Variants in SLC37A3 observed in about 807,000 individuals in gnomAD.
The protein encoded by SLC37A3 is solute carrier family 37 member 3, also known as sugar phosphate exchanger 3.
A neutral mutation model predicts 67.1 loss-of-function variants in SLC37A3; 51 were observed. That is an observed-to-expected ratio of 0.76 (90% CI 0.61 to 0.96). The LOEUF (loss-of-function observed/expected upper bound fraction) is 0.96. Ranked by LOEUF, SLC37A3 falls within the 40% of genes least tolerant of loss-of-function variation. The pLI is 0.00. For synonymous variants in SLC37A3, 214 were observed against 231.4 expected (o/e 0.92, Z 0.68); for missense variants, 508 against 603.0 (o/e 0.84, Z 1.65).
In SLC37A3 at chr7:140,345,093, A is replaced by C. The variant is rs980199548; in HGVS notation, c.1174+123T>G. 5 of 828,118 alleles carry C rather than the reference A, an allele frequency of 6.0e-6. No individual in the cohort carries two copies. In the African/African-American group the frequency reaches 8.7e-5, roughly 14 times the overall value. The allele number at this position is 828,118 out of a possible 1,614,324, so 51.3% of individuals were successfully genotyped here. ...TGGAAAAGGAGGCGTTTTTCCTTTT[A>C]AAATTTGAATTCTCTGTAATTAAGG... On this transcript the variant is annotated intron_variant, in intron 12 of 14. Coordinates refer to ENST00000326232, the MANE Select transcript of SLC37A3 (RefSeq NM_207113.3).
intron 4 of SLC37A3, among the ~76,000 whole-genome samples, chr7:140,365,541 T>C (rs1797564117): frequency 2.0e-5 from 3 of 152,108 alleles, no homozygotes; most frequent in African/African-American, 2.4e-5. Flanking sequence ...ACCAACATGG[T>C]GAAACCCTGT....
chr7:140,339,127 T>C (rs1796255623), intron 13 of SLC37A3, among the ~76,000 whole-genome samples: 1 of 152,170 alleles, frequency 6.6e-6, no homozygotes, highest in South Asian at 2.1e-4. Flanking sequence ...AATGGCTCAT[T>C]AGTATTCCCT....
At chr7:140,369,305 C>T (rs1478336249) in intron 4 of SLC37A3, among the ~76,000 whole-genome samples, 2 of 152,180 alleles carry the variant, frequency 1.3e-5, no homozygotes, top group East Asian at 3.8e-4. Context: ...TTATTTGTAG[C>T]ATTTGGTTAC....
intron 2 of SLC37A3, among the ~76,000 whole-genome samples, chr7:140,381,557 G>A (rs776869017): frequency 2.6e-5 from 4 of 151,526 alleles, no homozygotes; most frequent in Middle Eastern, 6.8e-3. Flanking sequence ...TATTTCTGGC[G>A]CCTTTCATAA....
intron 1 of SLC37A3, among the ~76,000 whole-genome samples, chr7:140,393,963 G>A (rs931477729): frequency 3.9e-5 from 6 of 152,112 alleles, no homozygotes; most frequent in Non-Finnish European, 5.9e-5. Flanking sequence ...TTGAGCCCAC[G>A]AGTTCGGGAC....
At chr7:140,341,351 G>C (rs1319676032) in intron 13 of SLC37A3, among the ~76,000 whole-genome samples, 1 of 152,078 alleles carries the variant, frequency 6.6e-6, no homozygotes, top group Non-Finnish European at 1.5e-5. Flanking sequence ...GGAATACAAA[G>C]ACGAAGGAAA....
intron 1 of SLC37A3, among the ~76,000 whole-genome samples, chr7:140,383,917 A>G (rs2129839748): frequency 6.6e-6 from 1 of 152,232 alleles, no homozygotes; most frequent in Middle Eastern, 3.4e-3. Context: ...GCTCAAAGTG[A>G]TCTGCCCACC....
In SLC37A3 at chr7:140,335,194, G is replaced by C; in HGVS notation, c.*218C>G. 6.3e-7 allele frequency: 1 copy of C among 1,589,286 alleles called. No homozygotes were observed. The highest frequency in any genetic ancestry group is 8.6e-7 in the Non-Finnish European group (1 of 1,164,318). On this transcript the variant is annotated 3_prime_UTR_variant, in exon 15 of 15. Transcript: ENST00000326232. ...GTCAGAAGTCACTCGGCACATTCAT[G>C]AAACAACAGCAAAAATCATCAACAG... is the stretch of plus-strand genomic sequence containing the variant.
intron 3 of SLC37A3, among the ~76,000 whole-genome samples, chr7:140,376,709 T>C (rs564073688): frequency 2.6e-5 from 4 of 152,264 alleles, no homozygotes; most frequent in Admixed American, 6.5e-5. Flanking sequence ...GTTCTTTGCA[T>C]AAGGCGAGCA....
chr7:140,349,241 A>C (rs1796697782), intron 9 of SLC37A3, among the ~76,000 whole-genome samples: 1 of 152,368 alleles, frequency 6.6e-6, no homozygotes, highest in Non-Finnish European at 1.5e-5. Flanking sequence ...TGCCAAGGCA[A>C]CACTGTGAAC....
At chr7:140,360,867 C>G (rs1439797224) in intron 5 of SLC37A3, among the ~76,000 whole-genome samples, 1 of 152,052 alleles carries the variant, frequency 6.6e-6, no homozygotes, top group Non-Finnish European at 1.5e-5. Context: ...CCCTCTGAAG[C>G]TCACAGAAAT....
intron 3 of SLC37A3, among the ~76,000 whole-genome samples, chr7:140,376,771 G>C (rs1344894099): frequency 6.6e-6 from 1 of 152,012 alleles, no homozygotes; most frequent in Non-Finnish European, 1.5e-5. Flanking sequence ...GGTTGAGATG[G>C]AATGTCCAAA....
chr7:140,362,142 G>A, intron 5 of SLC37A3, among the ~76,000 whole-genome samples: 1 of 140,838 alleles, frequency 7.1e-6, no homozygotes, highest in Middle Eastern at 3.6e-3. Flanking sequence ...TCTAGGAAGC[G>A]AGGAGCGCCT....
chr7:140,357,584 G>C (rs4725685), intron 6 of SLC37A3, among the ~76,000 whole-genome samples: 62,332 of 149,142 alleles, frequency 0.42, 13,292 homozygotes, highest in Non-Finnish European at 0.47. Context: ...AAAAAAAGAT[G>C]ACTCAAAAAA....
chr7:140,379,885 T>A (rs1366990483), intron 3 of SLC37A3: 1 of 137,654 alleles, frequency 7.3e-6, no homozygotes, highest in Non-Finnish European at 1.6e-5. Context: ...AACAGAATGA[T>A]ACTCTGTTTA....
At chr7:140,348,122 G>A (rs780579267) in intron 10 of SLC37A3, among the ~76,000 whole-genome samples, 1 of 152,184 alleles carries the variant, frequency 6.6e-6, no homozygotes. Flanking sequence ...ACGGTATTAA[G>A]AGTAACTGAA....
At chr7:140,379,492 A>G (rs1585350621) in intron 3 of SLC37A3, 2 of 149,438 alleles carry the variant, frequency 1.3e-5, no homozygotes, top group South Asian at 2.1e-4. Flanking sequence ...AAAAAAAAAA[A>G]GAAACCATTA....
chr7:140,369,452 A>G (rs1460251064), intron 4 of SLC37A3, 138 bp downstream of exon 4: 1 of 620,768 alleles, frequency 1.6e-6, no homozygotes, highest in East Asian at 2.9e-5. Context: ...AATGGGAAGA[A>G]CAAACAATAT....
At chr7:140,344,959 A>C (rs1796495468) in intron 12 of SLC37A3, among the ~76,000 whole-genome samples, 1 of 152,186 alleles carries the variant, frequency 6.6e-6, no homozygotes, top group African/African-American at 2.4e-5. Flanking sequence ...AGGTAAGAGC[A>C]GAAGCTGGGG....
Sources: gnomAD v4.1 joint callset for allele counts (sites outside exome capture counted in the v4.1 genomes callset) on GRCh38, gnomAD v4.1.1 for gene constraint, MANE v1.5 for transcripts, NCBI Gene and HGNC (gene_info 2026-07-23, HGNC 2026-07-21) for gene names.